The following ZNF180 variants were observed in gnomAD, a reference collection of about 807,000 sequenced individuals.
ZNF180 encodes the protein zinc finger protein 180 (HHZ168).
In ZNF180, 11 loss-of-function variants were observed where a neutral mutation model predicts 11.8. The observed-to-expected ratio is 0.93, with a 90% CI of 0.59 to 1.55. ZNF180 has a LOEUF of 1.55. ZNF180 is among the 40% of genes most tolerant of loss of function. ZNF180 has a pLI of 0.00. For synonymous variants in ZNF180, 287 were observed against 257.7 expected, an observed-to-expected ratio of 1.11 and a Z score of -1.09; for missense variants, 773 against 781.7, an observed-to-expected ratio of 0.99 and a Z score of 0.13.
chr19:44,477,591 C>T lies in ZNF180; in HGVS notation c.809G>A (p.Gly270Glu). 21 of 1,614,058 alleles carry T rather than the reference C, an allele frequency of 1.3e-5. No homozygotes were observed. Among genetic ancestry groups the T allele is most frequent in the Non-Finnish European group, 1.6e-5 (19 of 1,180,000 alleles). The change falls in exon 5 of 5, where the codon GGA (glycine) becomes GAA (glutamate). Residue 270 changes from glycine to glutamate, a missense_variant. Coordinates refer to ENST00000592529, the MANE Select transcript of ZNF180 (RefSeq NM_001278509.3). ...TTCTTTAAAATCAAAGGTTTTTCCT[C>T]CTCCATGAATTTTTTCATGTATATG... ...PLHIHEKIHG[G>E]GKTFDFKECG...
At chr19:44,497,655 C>T (rs1263295148) in intron 1 of ZNF180, among the ~76,000 whole-genome samples, 2 of 152,110 alleles carry the variant, frequency 1.3e-5, no homozygotes, top group African/African-American at 2.4e-5. Flanking sequence ...CCAACATGGC[C>T]TTCTGCCCAC....
chr19:44,491,370 A>G (rs1052913937), intron 2 of ZNF180, among the ~76,000 whole-genome samples: 2 of 152,258 alleles, frequency 1.3e-5, no homozygotes, highest in Non-Finnish European at 2.9e-5. Context: ...GAGCCCGTGC[A>G]TGCATGCACA....
chr19:44,480,721 C>T (rs925491285), intron 3 of ZNF180, among the ~76,000 whole-genome samples: 5 of 152,132 alleles, frequency 3.3e-5, no homozygotes, highest in African/African-American at 1.2e-4. Context: ...TAATTTTATG[C>T]AATTTTTAAA....
chr19:44,474,432 T>C (rs1969803967), downstream of ZNF180: 1 of 152,210 alleles, frequency 6.6e-6, no homozygotes, highest in East Asian at 1.9e-4. Flanking sequence ...AGAATGTTCA[T>C]GGCTTATATA....
At chr19:44,484,019 G>A (rs1298473063) in intron 3 of ZNF180, among the ~76,000 whole-genome samples, 1 of 143,344 alleles carries the variant, frequency 7.0e-6, no homozygotes, top group East Asian at 2.1e-4. Flanking sequence ...TTTTGAGATG[G>A]AGTCTCACTC....
intron 2 of ZNF180, among the ~76,000 whole-genome samples, chr19:44,489,172 G>C (rs1480175761): frequency 0.62 from 62,753 of 101,854 alleles, 19,014 homozygotes; most frequent in East Asian, 0.89. Context: ...GCCCCCCGCC[G>C]GGCCAGCCGC....
chr19:44,491,300 T>C (rs1158867940), intron 2 of ZNF180, among the ~76,000 whole-genome samples: 1 of 152,248 alleles, frequency 6.6e-6, no homozygotes, highest in Non-Finnish European at 1.5e-5. Context: ...ATCCAGAACC[T>C]GCTCCCAACT....
chr19:44,490,588 A>G (rs1375318648), intron 2 of ZNF180, among the ~76,000 whole-genome samples: 1 of 152,216 alleles, frequency 6.6e-6, no homozygotes, highest in African/African-American at 2.4e-5. Flanking sequence ...AAAATTTGTA[A>G]ATGCTAACCT....
rs866914908 is a variant in ZNF180 at position 44,475,811 on chromosome 19, T to C, written c.*591A>G. 20 of 152,366 alleles carry C rather than the reference T, an allele frequency of 1.3e-4. No homozygotes were observed. Among genetic ancestry groups the C allele is most frequent in the African/African-American group, 4.3e-4 (18 of 41,574 alleles). The allele number at this position is 152,366 out of a possible 1,614,324, so 9.4% of individuals were successfully genotyped here. ...ATCATAATGGTTTTAGAAGTGAATA[T>C]TATTTCTATATTCTTTTCCCACACT... On this transcript the variant is annotated 3_prime_UTR_variant, in exon 5 of 5. Coordinates refer to ENST00000592529, the MANE Select transcript of ZNF180 (RefSeq NM_001278509.3).
At chr19:44,480,869 TA>T (rs756512287) in intron 3 of ZNF180, among the ~76,000 whole-genome samples, 7 of 152,150 alleles carry the variant, frequency 4.6e-5, no homozygotes, top group Admixed American at 2.6e-4. Context: ...ATTTTTGGAT[TA>T]GGGGTGCTTA....
intron 2 of ZNF180, among the ~76,000 whole-genome samples, chr19:44,487,272 C>T (rs1437253120): frequency 2.0e-5 from 3 of 152,110 alleles, no homozygotes; most frequent in African/African-American, 7.2e-5. Context: ...AAAGGATTCT[C>T]CAAACCTAAA....
At chr19:44,492,303 A>AGT (rs2123492467) in intron 2 of ZNF180, among the ~76,000 whole-genome samples, 1 of 152,382 alleles carries the variant, frequency 6.6e-6, no homozygotes, top group South Asian at 2.1e-4. Flanking sequence ...GACTAGAGAC[A>AGT]CGTGCAGAGT....
At position 44,476,678 on chromosome 19, in the gene ZNF180, T is replaced by G; in HGVS notation, c.1722A>C (p.Gly574=). Residue 574 remains glycine, a synonymous_variant, in exon 5 of 5, where the codon GGA becomes GGC. Coordinates refer to ENST00000592529, the MANE Select transcript of ZNF180 (RefSeq NM_001278509.3). ...ATTGACTGCATTCATAGGGCTTTTC[T>G]CCAGTATGAGTTCTCTGATGTACAA... ...VLVVHQRTHT[G]EKPYECSQCG... 1.2e-6 allele frequency: 2 copies of G among 1,614,204 alleles called. No individual in the cohort carries two copies. Among genetic ancestry groups the G allele is most frequent in the Non-Finnish European group, 1.7e-6 (2 of 1,180,014 alleles).
intron 3 of ZNF180, among the ~76,000 whole-genome samples, chr19:44,483,830 T>A (rs1874024159): frequency 6.6e-6 from 1 of 152,184 alleles, no homozygotes; most frequent in South Asian, 2.1e-4. Context: ...TACTAACTCC[T>A]TCCTGTAATC....
chr19:44,489,189 TGGGA>T (rs1970350940), intron 2 of ZNF180, among the ~76,000 whole-genome samples: 1 of 47,860 alleles, frequency 2.1e-5, no homozygotes, highest in African/African-American at 5.4e-5. Flanking sequence ...CCGCCCCGTC[TGGGA>T]GGTGAGGGGC....
intron 1 of ZNF180, 35 bp downstream of exon 1, chr19:44,500,240 T>C (rs1186879145): frequency 6.2e-7 from 1 of 1,613,886 alleles, no homozygotes; most frequent in African/African-American, 1.3e-5. Flanking sequence ...CATGCGCGCA[T>C]CGGACACCAA....
chr19:44,488,533 T>C (rs7250221), intron 2 of ZNF180, among the ~76,000 whole-genome samples: 112,016 of 152,012 alleles, frequency 0.74, 42,035 homozygotes, highest in East Asian at 1. Flanking sequence ...CCCAAGGTGC[T>C]GGGATTGCAG....
intron 1 of ZNF180, 197 bp downstream of exon 1, chr19:44,500,078 C>G (rs1370680336): frequency 9.0e-5 from 132 of 1,465,974 alleles, no homozygotes; most frequent in Non-Finnish European, 1.2e-4. Context: ...ACCAAGCACC[C>G]GCGCATGCAC....
At chr19:44,486,743 C>T (rs548787453) in intron 2 of ZNF180, among the ~76,000 whole-genome samples, 28 of 151,992 alleles carry the variant, frequency 1.8e-4, no homozygotes, top group Admixed American at 3.3e-4. Context: ...CCTGTCTATA[C>T]AAAATATATA....
Sources: allele counts gnomAD v4.1 joint callset (sites outside exome capture counted in the v4.1 genomes callset), GRCh38; gene constraint gnomAD v4.1.1; transcripts MANE v1.5; gene names NCBI Gene and HGNC (gene_info 2026-07-23, HGNC 2026-07-21).